Variants in HNRNPA3 observed in about 807,000 individuals in gnomAD.
HNRNPA3 encodes the protein epididymis secretory sperm binding protein.
HNRNPA3 carries 3 observed loss-of-function variants against 45.8 expected under a neutral mutation model. That is an observed-to-expected ratio of 0.07 (90% CI 0.03 to 0.17). The LOEUF (loss-of-function observed/expected upper bound fraction) is 0.17, where lower values mean the gene tolerates loss of function less well. Ranked by LOEUF, HNRNPA3 falls within the 10% of genes least tolerant of loss-of-function variation. The pLI is 1.00. For missense variants in HNRNPA3, 183 were observed against 480.3 expected (o/e 0.38, Z 5.79); for synonymous variants, 170 against 155.6 (o/e 1.09, Z -0.69).
chr2:177,213,279 C>T (rs1003665974), intron 1 of HNRNPA3, among the ~76,000 whole-genome samples: 27 of 152,164 alleles, frequency 1.8e-4, no homozygotes, highest in Non-Finnish European at 3.4e-4. Flanking sequence ...ATTGATCCGC[C>T]GCCGCGTTAC....
chr2:177,214,622 C>T lies in HNRNPA3; in HGVS notation c.73-917C>T, dbSNP rs369845730. On this transcript the variant is annotated intron_variant, in intron 1 of 10. Transcript: ENST00000392524. ...CATTCTGGCTAACACGGTGAAACCC[C>T]GTCTCTACTAAAAATACAAAAAGTT... 3.3e-4 allele frequency among the ~76,000 whole-genome samples: 50 copies of T among 152,206 alleles called. 1 individual carries two copies. Among genetic ancestry groups the T allele is most frequent in the African/African-American group, 1.1e-3 (46 of 41,534 alleles).
At chr2:177,221,537 AAGC>A (rs1689187421), downstream of HNRNPA3, 1 of 152,684 alleles carries the variant, frequency 6.5e-6, no homozygotes, top group Non-Finnish European at 1.5e-5. Flanking sequence ...TACAACCTAT[AAGC>A]AGGTGAAATC....
At chr2:177,219,432 A>C in exon 11 of HNRNPA3, 1 of 719,612 alleles carries the variant, frequency 1.4e-6, no homozygotes, top group Non-Finnish European at 2.2e-6. Flanking sequence ...CAGGAGAGAG[A>C]GCGAGGAGTT....
chr2:177,217,641 G>GAATTGAAT (rs1324561369), intron 7 of HNRNPA3, 64 bp from the exon 8 acceptor site: 85 of 1,595,590 alleles, frequency 5.3e-5, no homozygotes, highest in Middle Eastern at 2.3e-4. Flanking sequence ...ACACACACCA[G>GAATTGAAT]AATTGAATAA....
intron 8 of HNRNPA3, 60 bp downstream of exon 8, chr2:177,217,905 GAC>G (rs1689014553): frequency 1.4e-6 from 2 of 1,410,414 alleles, no homozygotes; most frequent in African/African-American, 1.5e-5. Flanking sequence ...CAGTTCCCAT[GAC>G]ACATATTTGG....
downstream of HNRNPA3, chr2:177,220,220 C>A (rs188233157): frequency 3.0e-3 from 451 of 152,716 alleles, 3 homozygotes; most frequent in Non-Finnish European, 4.2e-3. Context: ...TTTAGAACAT[C>A]TCTATTCTAC....
chr2:177,221,390 C>T (rs1297177381), downstream of HNRNPA3: 4 of 152,434 alleles, frequency 2.6e-5, no homozygotes, highest in African/African-American at 9.7e-5. Flanking sequence ...TTAACATTTC[C>T]TGTTTTATGT....
At chr2:177,216,213 G>C (rs939112585) in intron 4 of HNRNPA3, 25 bp downstream of exon 4, 5 of 1,424,416 alleles carry the variant, frequency 3.5e-6, no homozygotes, top group South Asian at 2.4e-5. Flanking sequence ...ATGGTAACTT[G>C]AATGAGAAAG....
At chr2:177,220,465 T>C (rs1689140283), downstream of HNRNPA3, 1 of 153,878 alleles carries the variant, frequency 6.5e-6, no homozygotes, top group African/African-American at 2.4e-5. Context: ...CTTGAGTTAC[T>C]TTAAATTCTT....
chr2:177,216,460 CAT>C (rs759008841), intron 4 of HNRNPA3, 41 bp from the exon 5 acceptor site: 10 of 1,452,010 alleles, frequency 6.9e-6, no homozygotes, highest in Non-Finnish European at 1.9e-6. Flanking sequence ...CTTTTCCAAA[CAT>C]AAAATAACTT....
chr2:177,212,960 C>G, intron 1 of HNRNPA3, 89 bp downstream of exon 1: 1 of 840,050 alleles, frequency 1.2e-6, no homozygotes, highest in Non-Finnish European at 1.7e-6. Flanking sequence ...TGGACCGGGT[C>G]GGCCGTCCCG....
intron 1 of HNRNPA3, among the ~76,000 whole-genome samples, chr2:177,213,117 AAGCCGGCCTGCC>A (rs1238793116): frequency 6.6e-6 from 1 of 151,146 alleles, no homozygotes; most frequent in Non-Finnish European, 1.5e-5. Flanking sequence ...CTCGGGAGGG[AAGCCGGCCTGCC>A]GGCTGCGCGG....
At position 177,215,527 on chromosome 2, in the gene HNRNPA3, T is replaced by C; in HGVS notation, c.73-12T>C. On this transcript the variant is annotated splice_polypyrimidine_tract_variant and intron_variant, in intron 1 of 10. Transcript: ENST00000392524. ...TGTAAGGTAACTTAAGAGTATTGGT[T>C]CTTTCTCTCAGGGCCATGATCCAAA... is the stretch of plus-strand genomic sequence containing the variant. 5 of 1,613,774 alleles carry C rather than the reference T, an allele frequency of 3.1e-6. No homozygotes were observed. The highest frequency in any genetic ancestry group is 4.2e-6 in the Non-Finnish European group (5 of 1,179,718).
In HNRNPA3 at chr2:177,217,717, G is replaced by A. The variant is rs1317402472; in HGVS notation, c.833G>A (p.Gly278Asp). 2 of 1,612,668 alleles carry A rather than the reference G, an allele frequency of 1.2e-6. No individual in the cohort carries two copies. The highest frequency in any genetic ancestry group is 1.7e-6 in the Non-Finnish European group (2 of 1,179,872). ...GTTGTTTTTTTAGGTGGCAACTATGGCGGTGGTCCTGGTTATAGTAGTAGA... is the reference window on the plus strand; with the variant it reads ...GTTGTTTTTTTAGGTGGCAACTATGACGGTGGTCCTGGTTATAGTAGTAGA... Residue 278 changes from glycine to aspartate, a missense_variant, in exon 8 of 11, where the codon GGC becomes GAC. Gly to Asp is a moderately conservative substitution (Grantham distance 94, BLOSUM62 -1). Around this residue, in one of 2 missense-constraint regions of HNRNPA3, gnomAD observed 123 missense variants for 228.8 expected, o/e 0.54. Transcript: ENST00000392524.
At chr2:177,217,782 G>A in exon 8 of HNRNPA3, 1 of 1,613,194 alleles carries the variant, frequency 6.2e-7, no homozygotes, top group Non-Finnish European at 8.5e-7. Flanking sequence ...TGGAAACCAA[G>A]GTGGTGGATA....
downstream of HNRNPA3, chr2:177,221,415 G>T (rs915327936): frequency 6.6e-6 from 1 of 152,584 alleles, no homozygotes; most frequent in African/African-American, 2.4e-5. Context: ...GAAATTGTTT[G>T]ACACAACCTT....
chr2:177,219,677 C>T (rs1238616460), exon 11 of HNRNPA3: 2 of 166,240 alleles, frequency 1.2e-5, no homozygotes, highest in African/African-American at 4.8e-5. Context: ...TCTGTTGTAG[C>T]TTTGTCTTTT....
chr2:177,214,053 A>G (rs1282579785), intron 1 of HNRNPA3, among the ~76,000 whole-genome samples: 1 of 152,218 alleles, frequency 6.6e-6, no homozygotes, highest in Non-Finnish European at 1.5e-5. Flanking sequence ...ACAGGAAGAC[A>G]TTAGAATGTA....
chr2:177,220,758 A>G (rs1455688378), downstream of HNRNPA3: 9 of 152,742 alleles, frequency 5.9e-5, no homozygotes, highest in African/African-American at 2.2e-4. Flanking sequence ...TTCAACATAA[A>G]TCATGTTGTT....
Sources: allele counts gnomAD v4.1 joint callset (sites outside exome capture counted in the v4.1 genomes callset), GRCh38; gene constraint gnomAD v4.1.1; regional missense constraint gnomAD v4.1.1; transcripts MANE v1.5; gene names NCBI Gene and HGNC (gene_info 2026-07-23, HGNC 2026-07-21).